MLXIPL: variants seen among roughly 807,000 people sequenced by gnomAD.
The protein encoded by MLXIPL is carbohydrate-responsive element-binding protein.
A neutral mutation model predicts 81.5 loss-of-function variants in MLXIPL; 49 were observed. That is an observed-to-expected ratio of 0.60 (90% CI 0.48 to 0.76). MLXIPL has a LOEUF of 0.76. Ranked by LOEUF, MLXIPL falls within the 30% of genes least tolerant of loss-of-function variation. MLXIPL has a pLI of 0.00. For synonymous variants in MLXIPL, 466 were observed against 485.5 expected (o/e 0.96, Z 0.53); for missense variants, 1,053 against 1,167.0 (o/e 0.90, Z 1.42).
chr7:73,602,111 C>T (rs1794887754), intron 7 of MLXIPL, among the ~76,000 whole-genome samples: 1 of 140,544 alleles, frequency 7.1e-6, no homozygotes, highest in Non-Finnish European at 1.6e-5. Flanking sequence ...TGCCTGCCTG[C>T]CTGCCTGCCT....
rs569809024 is a variant in MLXIPL at position 73,596,270 on chromosome 7, G to A, written c.1941C>T (p.Thr647=). The A allele has an allele frequency of 9.3e-6, 15 of 1,613,388 alleles. No individual in the cohort carries two copies. The highest frequency in any genetic ancestry group is 6.7e-5 in the East Asian group (3 of 44,830). The change falls in exon 13 of 17, where the codon ACC becomes ACT. Residue 647 remains threonine (T), a splice_region_variant and synonymous_variant. Transcript: ENST00000313375. This position sits in a 1 kb window ranked among gnomAD's most constrained non-coding sequence, Gnocchi z 4.7. ...AGATGTGTGTGATACGCCGGTTCTC[G>A]GTCTCGGGGAGCAGAGAGTTGGGTG... ...LSRGRPDSNK[T]ENRRITHISA... is the part of the protein sequence containing the mutation.
Position 73,596,582 on chromosome 7 carries a change from T to C in MLXIPL, c.1822+57A>G. ...GCCCCAGACCCAGTCCCCTTCTTCT[T>C]CCTCCTCTTCCCCTCATCCCCTAGA... On this transcript the variant is annotated intron_variant, in intron 11 of 16. Transcript: ENST00000313375. The surrounding 1 kb of genome is among the most constrained non-coding windows in gnomAD (Gnocchi z 4.7). 6.3e-7 allele frequency: 1 copy of C among 1,599,516 alleles called. No homozygotes were observed. Among genetic ancestry groups the C allele is most frequent in the Non-Finnish European group, 8.5e-7 (1 of 1,173,272 alleles).
rs1252607535 is a variant in MLXIPL at position 73,593,837 on chromosome 7, C to CT, written c.*27dup. 3 of 1,585,324 alleles carry CT rather than the reference C, an allele frequency of 1.9e-6. No homozygotes were observed. Among genetic ancestry groups the CT allele is most frequent in the East Asian group, 4.5e-5 (2 of 44,736 alleles). ...CCAGGGAAAGCAGCCCCCAGGGCAG[C>CT]TGAGTGAGCAGCAGGGTCTGGCCAG... On this transcript the variant is annotated 3_prime_UTR_variant, in exon 17 of 17. Coordinates refer to ENST00000313375, the MANE Select transcript of MLXIPL (RefSeq NM_032951.3).
At chr7:73,615,927 A>AG in intron 2 of MLXIPL, 144 bp downstream of exon 2, 1 of 656,552 alleles carries the variant, frequency 1.5e-6, no homozygotes, top group East Asian at 2.7e-5. Context: ...AAAAAAAAAA[A>AG]AAAAAAAGGT....
chr7:73,628,769 T>C (rs148494537), upstream of MLXIPL, among the ~76,000 whole-genome samples: 590 of 152,348 alleles, frequency 3.9e-3, 5 homozygotes, highest in African/African-American at 0.013. Context: ...TCTGTTACTA[T>C]AGCCAGCAGT....
At chr7:73,633,229 C>T in the MLXIPL span, among the ~76,000 whole-genome samples, 4 of 151,710 alleles carry the variant, frequency 2.6e-5, no homozygotes, top group Non-Finnish European at 4.4e-5. Flanking sequence ...TACAGTCACC[C>T]GCCACCACGC....
chr7:73,613,168 C>A (rs1235987529), intron 2 of MLXIPL, among the ~76,000 whole-genome samples: 3 of 152,150 alleles, frequency 2.0e-5, no homozygotes, highest in African/African-American at 7.2e-5. Context: ...TCCCCACTCC[C>A]GTGAAGCCCA....
chr7:73,635,696 C>T, the MLXIPL span, among the ~76,000 whole-genome samples: 1 of 151,830 alleles, frequency 6.6e-6, no homozygotes, highest in African/African-American at 2.4e-5. Flanking sequence ...CCATCTATCT[C>T]TTTATCCACC....
At chr7:73,602,122 G>GTCTGCCTTCCTTCCTTCCTT (rs1794893848) in intron 7 of MLXIPL, among the ~76,000 whole-genome samples, 6 of 59,664 alleles carry the variant, frequency 1.0e-4, no homozygotes, top group Admixed American at 9.0e-4. Flanking sequence ...CTGCCTGCCT[G>GTCTGCCTTCCTTCCTTCCTT]CCTGCCTGCC....
chr7:73,638,315 A>T, the MLXIPL span, among the ~76,000 whole-genome samples: 3 of 152,016 alleles, frequency 2.0e-5, no homozygotes, highest in African/African-American at 7.2e-5. Context: ...TATTTATTTT[A>T]TTTTTTGGGG....
the MLXIPL span, among the ~76,000 whole-genome samples, chr7:73,647,902 G>A: frequency 6.6e-6 from 1 of 151,298 alleles, no homozygotes; most frequent in Non-Finnish European, 1.5e-5. Context: ...GGCGGCAGAG[G>A]GCTCCGTGCG....
In MLXIPL at chr7:73,596,383, C is replaced by T. The variant is rs534932725; in HGVS notation, c.1919G>A (p.Gly640Asp). The T allele has an allele frequency of 6.8e-6, 11 of 1,613,076 alleles. No homozygotes were observed. The South Asian group carries it at 9.9e-5, about 14-fold the overall frequency. ...VSPPQPILSR[G>D]RPDSNKTENR... ...GCCCACCTTGTTGCTGTCTGGACGG[C>T]CCCGGCTGAGGATGGGTTGCGGGGG... The change falls in exon 12 of 17, where the codon GGC (glycine) becomes GAC (aspartate). Residue 640 changes from glycine (G) to aspartate (D), a missense_variant. Coordinates refer to ENST00000313375, the MANE Select transcript of MLXIPL (RefSeq NM_032951.3). The surrounding 1 kb of genome is among the most constrained non-coding windows in gnomAD (Gnocchi z 4.7).
intron 7 of MLXIPL, among the ~76,000 whole-genome samples, chr7:73,600,287 G>A (rs988147131): frequency 5.6e-5 from 8 of 142,912 alleles, no homozygotes; most frequent in African/African-American, 1.3e-4. Flanking sequence ...GCTGGGCTCC[G>A]AGTGGGGTGG....
intron 7 of MLXIPL, among the ~76,000 whole-genome samples, chr7:73,601,822 G>A (rs1014193615): frequency 6.6e-6 from 1 of 152,034 alleles, no homozygotes; most frequent in African/African-American, 2.4e-5. Flanking sequence ...GTGAGTCACC[G>A]CGCCCGGCCC....
At chr7:73,601,004 A>G (rs1402268069) in intron 7 of MLXIPL, among the ~76,000 whole-genome samples, 5 of 150,762 alleles carry the variant, frequency 3.3e-5, no homozygotes, top group African/African-American at 1.2e-4. Flanking sequence ...GGCAGTTCCG[A>G]CCCCACCGTG....
chr7:73,637,678 T>C, the MLXIPL span, among the ~76,000 whole-genome samples: 1 of 152,058 alleles, frequency 6.6e-6, no homozygotes, highest in Non-Finnish European at 1.5e-5. Context: ...TGATGGTAGA[T>C]GGCAGGGCTG....
the MLXIPL span, among the ~76,000 whole-genome samples, chr7:73,643,129 G>T: frequency 2.0e-5 from 3 of 152,166 alleles, no homozygotes; most frequent in African/African-American, 7.2e-5. Flanking sequence ...CTGTGTATTT[G>T]CTATTGAGTC....
chr7:73,607,897 C>G (rs911871757), intron 2 of MLXIPL, among the ~76,000 whole-genome samples: 4 of 135,064 alleles, frequency 3.0e-5, no homozygotes, highest in African/African-American at 8.7e-5. Context: ...ACTCTTGTTG[C>G]CCAGGCTGGA....
chr7:73,598,559 C>T (rs1168317396), intron 8 of MLXIPL, among the ~76,000 whole-genome samples: 15 of 152,232 alleles, frequency 9.9e-5, no homozygotes, highest in Admixed American at 9.2e-4. Context: ...TCTATCCATT[C>T]ACCAGCACGC....
Sources: allele counts gnomAD v4.1 joint callset (sites outside exome capture counted in the v4.1 genomes callset), GRCh38; gene constraint gnomAD v4.1.1; non-coding constraint Gnocchi (gnomAD v3.1); transcripts MANE v1.5; gene names NCBI Gene and HGNC (gene_info 2026-07-23, HGNC 2026-07-21).